Variants in ENPP3 observed in about 807,000 individuals in gnomAD.
The protein encoded by ENPP3 is ectonucleotide pyrophosphatase/phosphodiesterase 3, also known as ectonucleotide pyrophosphatase/phosphodiesterase family member 3.
A neutral mutation model predicts 117.8 loss-of-function variants in ENPP3; 104 were observed. The observed-to-expected ratio is 0.88, with a 90% CI of 0.75 to 1.04. The LOEUF (loss-of-function observed/expected upper bound fraction) is 1.04. Ranked by LOEUF, ENPP3 falls within the 50% of genes least tolerant of loss-of-function variation. ENPP3 has a pLI of 0.00. For synonymous variants in ENPP3, 380 were observed against 349.9 expected (o/e 1.09, Z -0.96); for missense variants, 1,026 against 1,051.9 (o/e 0.98, Z 0.34).
intron 24 of ENPP3, 51 bp from the exon 25 acceptor site, chr6:131,746,735 A>G (rs1167803449): frequency 1.3e-6 from 2 of 1,522,984 alleles, no homozygotes; most frequent in African/African-American, 1.4e-5. Context: ...ATTTCTGTTC[A>G]TGAAAAATAC....
intron 3 of ENPP3, among the ~76,000 whole-genome samples, chr6:131,651,915 A>G (rs910435027): frequency 1.3e-5 from 2 of 152,214 alleles, no homozygotes; most frequent in Non-Finnish European, 2.9e-5. Flanking sequence ...CAAGGCTAAC[A>G]TTGATTTTAG....
chr6:131,646,585 C>T (rs1365959404), intron 2 of ENPP3, among the ~76,000 whole-genome samples: 1 of 151,998 alleles, frequency 6.6e-6, no homozygotes, highest in East Asian at 1.9e-4. Flanking sequence ...AGTGACTGCT[C>T]CACATCCAAG....
rs190647778 is a variant in ENPP3 at position 131,743,606 on chromosome 6, C to T, written c.2458-3180C>T. Among the ~76,000 whole-genome samples, 134 of 152,034 alleles carry T rather than the reference C, an allele frequency of 8.8e-4. 1 individual carries two copies. Among genetic ancestry groups the T allele is most frequent in the African/African-American group, 2.9e-3 (121 of 41,468 alleles). On this transcript the variant is annotated intron_variant, in intron 24 of 24. Transcript: ENST00000357639. ...GCACTTTGGGAGGCCGAGGCAGGCA[C>T]ATCACCTGAGGTCAGGAGGTCGAGA... is the stretch of plus-strand genomic sequence containing the variant.
chr6:131,741,735 T>C (rs1339014639), intron 24 of ENPP3, among the ~76,000 whole-genome samples: 2 of 152,182 alleles, frequency 1.3e-5, no homozygotes, highest in Non-Finnish European at 2.9e-5. Context: ...ATGAGAACTT[T>C]TTGGCAGGTA....
chr6:131,726,203 A>T lies in ENPP3; in HGVS notation c.1953+3A>T, dbSNP rs1028856768. 1 of 1,613,016 alleles carries T rather than the reference A, an allele frequency of 6.2e-7. No homozygotes were observed. The highest frequency in any genetic ancestry group is 8.5e-7 in the Non-Finnish European group (1 of 1,179,250). ...GTTCATACACAGTCCCCCAGTTGGT[A>T]AGTTCCTGAGTCCATTGATCCATGC... On this transcript the variant is annotated splice_donor_region_variant and intron_variant, in intron 20 of 24. Coordinates refer to ENST00000357639, the MANE Select transcript of ENPP3 (RefSeq NM_005021.5).
Position 131,677,869 on chromosome 6 carries a change from C to G in ENPP3, c.940C>G (p.Pro314Ala), listed in dbSNP as rs761385082. Residue 314 changes from proline (P) to alanine (A), a missense_variant and splice_region_variant, in exon 11 of 25, where the codon CCC (proline) becomes GCC (alanine). Transcript: ENST00000357639. ...KWLDLPKAER[P>A]RFYTMYFEEP... Reference sequence around the variant, plus strand: ...TTTCTGTTTCAATTTTACCCCTAGACCCAGGTTTTATACCATGTATTTTGA... The same window carrying G: ...TTTCTGTTTCAATTTTACCCCTAGAGCCAGGTTTTATACCATGTATTTTGA... 2.5e-6 allele frequency: 4 copies of G among 1,596,580 alleles called. No individual in the cohort carries two copies. The highest frequency in any genetic ancestry group is 3.4e-6 in the Non-Finnish European group (4 of 1,164,392).
intron 20 of ENPP3, among the ~76,000 whole-genome samples, chr6:131,727,608 G>A (rs2114545649): frequency 6.9e-6 from 1 of 145,080 alleles, no homozygotes; most frequent in South Asian, 2.2e-4. Context: ...TATGCCTAAA[G>A]TCAGTCCAAA....
intron 6 of ENPP3, among the ~76,000 whole-genome samples, chr6:131,661,526 A>G (rs748734507): frequency 1.3e-5 from 2 of 152,090 alleles, no homozygotes; most frequent in Admixed American, 1.3e-4. Context: ...TCCTGGGCTC[A>G]AGTGATCCTC....
At chr6:131,669,622 C>CTCTA (rs1477079814) in intron 6 of ENPP3, among the ~76,000 whole-genome samples, 3 of 129,540 alleles carry the variant, frequency 2.3e-5, no homozygotes, top group African/African-American at 8.6e-5. Context: ...CGCCACTGCA[C>CTCTA]TCTAGCCTGG....
intron 6 of ENPP3, among the ~76,000 whole-genome samples, chr6:131,666,317 AAT>A (rs1778615840): frequency 3.3e-5 from 5 of 152,082 alleles, no homozygotes; most frequent in Admixed American, 3.3e-4. Context: ...ATTTGATTAT[AAT>A]ATGTCTTAGT....
At chr6:131,674,730 C>T (rs1044704228) in intron 8 of ENPP3, among the ~76,000 whole-genome samples, 5 of 151,834 alleles carry the variant, frequency 3.3e-5, no homozygotes, top group African/African-American at 1.2e-4. Flanking sequence ...CCACCACGCC[C>T]AGCTAATTTT....
chr6:131,689,435 C>T (rs1779230103), intron 14 of ENPP3, among the ~76,000 whole-genome samples: 1 of 152,166 alleles, frequency 6.6e-6, no homozygotes, highest in African/African-American at 2.4e-5. Context: ...TCTACCTGTG[C>T]TCTGTAAATG....
intron 11 of ENPP3, 36 bp from the exon 12 acceptor site, chr6:131,683,018 T>C: frequency 2.4e-6 from 3 of 1,245,032 alleles, no homozygotes; most frequent in Non-Finnish European, 3.6e-6. Context: ...TTAAGACAAC[T>C]CATTACGACA....
At chr6:131,691,752 A>G (rs539809059) in intron 14 of ENPP3, among the ~76,000 whole-genome samples, 83 of 152,314 alleles carry the variant, frequency 5.4e-4, no homozygotes, top group Non-Finnish European at 3.1e-4. Context: ...AAAGTCCAGG[A>G]AAGTGTGACA....
chr6:131,690,719 C>T (rs77304124), intron 14 of ENPP3, among the ~76,000 whole-genome samples: 11,439 of 151,782 alleles, frequency 0.075, 908 homozygotes, highest in African/African-American at 0.2. Flanking sequence ...CTGCAAGTTT[C>T]AAGTAGAATG....
At chr6:131,657,785 C>T (rs963727127) in intron 5 of ENPP3, among the ~76,000 whole-genome samples, 2 of 152,140 alleles carry the variant, frequency 1.3e-5, no homozygotes, top group Non-Finnish European at 2.9e-5. Context: ...TCTGTTTCTT[C>T]ATCTGGGTGA....
At chr6:131,646,118 A>G (rs1778147557) in intron 2 of ENPP3, among the ~76,000 whole-genome samples, 1 of 152,174 alleles carries the variant, frequency 6.6e-6, no homozygotes, top group South Asian at 2.1e-4. Flanking sequence ...GTGGACCACA[A>G]TTCTGCTTAC....
intron 21 of ENPP3, among the ~76,000 whole-genome samples, chr6:131,735,062 C>T (rs911451034): frequency 2.0e-5 from 3 of 151,332 alleles, no homozygotes; most frequent in South Asian, 2.1e-4. Flanking sequence ...ATTAAGGATA[C>T]GGCCAGACAC....
rs141293636 is a variant in ENPP3, at chr6:131,669,224, A to T, written c.563-2024A>T. On this transcript the variant is annotated intron_variant, in intron 6 of 24. Transcript: ENST00000357639. ...GTTATATGACTTCTTAACAATATTA[A>T]ATGTCTTTCCTTAATTGAGATCAAG... 4.7e-4 allele frequency among the ~76,000 whole-genome samples: 71 copies of T among 152,284 alleles called. 1 individual carries two copies. In the East Asian group the frequency reaches 0.011, roughly 24 times the overall value.
Sources: allele counts gnomAD v4.1 joint callset (sites outside exome capture counted in the v4.1 genomes callset), GRCh38; gene constraint gnomAD v4.1.1; transcripts MANE v1.5; gene names NCBI Gene and HGNC (gene_info 2026-07-23, HGNC 2026-07-21).